The following NDUFS4 variants were observed in gnomAD, a reference collection of about 807,000 sequenced individuals.
NDUFS4 encodes the protein NADH:ubiquinone oxidoreductase subunit S4.
A neutral mutation model predicts 24.3 loss-of-function variants in NDUFS4; 28 were observed. The ratio of observed to expected loss-of-function variants is 1.15; its 90% CI spans 0.85 to 1.58. The LOEUF is 1.58. NDUFS4 is among the 40% of genes most tolerant of loss of function. The pLI is 0.00. For synonymous variants in NDUFS4, 93 were observed against 69.7 expected (o/e 1.34, Z -1.67); for missense variants, 223 against 207.9 (o/e 1.07, Z -0.45).
chr5:53,647,414 C>T (rs1176430911), intron 3 of NDUFS4, among the ~76,000 whole-genome samples: 3 of 152,122 alleles, frequency 2.0e-5, no homozygotes, highest in East Asian at 1.9e-4. Context: ...AATGGAGTCT[C>T]GCTTTGTTGC....
intron 1 of NDUFS4, among the ~76,000 whole-genome samples, chr5:53,588,295 T>C (rs1459629118): frequency 2.6e-5 from 4 of 152,214 alleles, no homozygotes; most frequent in Non-Finnish European, 5.9e-5. Flanking sequence ...CTCTTTCCTC[T>C]CTTGCCTTCC....
chr5:53,588,904 T>C (rs1020466067), intron 1 of NDUFS4, among the ~76,000 whole-genome samples: 20 of 152,114 alleles, frequency 1.3e-4, no homozygotes, highest in African/African-American at 4.8e-4. Context: ...AGAGAAGTTT[T>C]AGACCAAAAG....
chr5:53,672,260 G>C (rs1013597761), intron 4 of NDUFS4, among the ~76,000 whole-genome samples: 1 of 151,588 alleles, frequency 6.6e-6, no homozygotes, highest in Non-Finnish European at 1.5e-5. Flanking sequence ...CAAAACAAAG[G>C]CAAGAATCAT....
chr5:53,631,305 A>C (rs887450156), intron 2 of NDUFS4, among the ~76,000 whole-genome samples: 1 of 152,142 alleles, frequency 6.6e-6, no homozygotes, highest in African/African-American at 2.4e-5. Context: ...GTTCTCCTCT[A>C]TGAGGTGTCT....
At chr5:53,636,214 G>A (rs1751547268) in intron 2 of NDUFS4, among the ~76,000 whole-genome samples, 1 of 152,146 alleles carries the variant, frequency 6.6e-6, no homozygotes, top group Admixed American at 6.5e-5. Flanking sequence ...AGTTTTACAG[G>A]CAGTGGCAGT....
intron 2 of NDUFS4, among the ~76,000 whole-genome samples, chr5:53,625,361 T>A (rs573143080): frequency 6.6e-6 from 1 of 152,346 alleles, no homozygotes; most frequent in South Asian, 2.1e-4. Context: ...TTTACATGTA[T>A]CTTGGTTAGG....
rs367705715 is a variant in NDUFS4, at chr5:53,580,755, CTCTT to C, written c.98+20011_98+20014del. ...CCCTTTCCTTTCCTTTCCTTCCTTT[CTCTT>C]TCTTTCTTTCTTTCTCTCTCTCTTT... On this transcript the variant is annotated intron_variant, in intron 1 of 4. Coordinates refer to ENST00000296684, the MANE Select transcript of NDUFS4 (RefSeq NM_002495.4). Among the ~76,000 whole-genome samples the C allele has an allele frequency of 9.5e-3, 1,267 of 133,478 alleles. 16 individuals carry two copies. The highest frequency in any genetic ancestry group is 0.037 in the African/African-American group (1,131 of 30,390). 87.6% of individuals were successfully genotyped at this position (133,478 alleles called of 152,430 possible).
chr5:53,599,902 G>A (rs1359850334), intron 1 of NDUFS4, among the ~76,000 whole-genome samples: 2 of 151,784 alleles, frequency 1.3e-5, no homozygotes, highest in Admixed American at 6.6e-5. Flanking sequence ...TTCCTTACAG[G>A]CTAATCAACA....
At chr5:53,622,198 G>A (rs1579885558) in intron 2 of NDUFS4, among the ~76,000 whole-genome samples, 2 of 152,034 alleles carry the variant, frequency 1.3e-5, no homozygotes, top group Non-Finnish European at 2.9e-5. Flanking sequence ...GTGCTGTTCT[G>A]TTGGGCAGAA....
chr5:53,621,943 G>A (rs934939750), intron 2 of NDUFS4, among the ~76,000 whole-genome samples: 6 of 151,814 alleles, frequency 4.0e-5, no homozygotes, highest in Admixed American at 3.9e-4. Flanking sequence ...CTCATGATCT[G>A]CCCGTCTCGG....
At chr5:53,637,804 T>C (rs566805930) in intron 2 of NDUFS4, among the ~76,000 whole-genome samples, 4 of 152,132 alleles carry the variant, frequency 2.6e-5, no homozygotes, top group Non-Finnish European at 1.5e-5. Flanking sequence ...GAAATTCTTA[T>C]GCAGTCCAAT....
chr5:53,612,305 A>G (rs965958663), intron 2 of NDUFS4, among the ~76,000 whole-genome samples: 12 of 152,072 alleles, frequency 7.9e-5, no homozygotes, highest in African/African-American at 2.9e-4. Context: ...TTTAAAAACT[A>G]TTAAGCACCA....
intron 1 of NDUFS4, among the ~76,000 whole-genome samples, chr5:53,573,111 A>G (rs1358953197): frequency 6.6e-6 from 1 of 151,524 alleles, no homozygotes; most frequent in Admixed American, 6.6e-5. Context: ...AGCCAAGACT[A>G]CAGGTGCATA....
intron 2 of NDUFS4, among the ~76,000 whole-genome samples, chr5:53,622,335 T>G (rs976965055): frequency 6.6e-6 from 1 of 152,130 alleles, no homozygotes; most frequent in African/African-American, 2.4e-5. Context: ...GAAATTTAGT[T>G]TCTGACAGTT....
At chr5:53,565,669 C>CT (rs1748996707) in intron 1 of NDUFS4, among the ~76,000 whole-genome samples, 1 of 152,188 alleles carries the variant, frequency 6.6e-6, no homozygotes, top group African/African-American at 2.4e-5. Context: ...TTGCAGTGGT[C>CT]TGAGTGTAGG....
chr5:53,607,336 A>G (rs987014229), intron 2 of NDUFS4, among the ~76,000 whole-genome samples: 1 of 152,238 alleles, frequency 6.6e-6, no homozygotes, highest in African/African-American at 2.4e-5. Flanking sequence ...ATTAAGTTCT[A>G]TAAAAATTCT....
At chr5:53,593,078 G>A (rs1006265739) in intron 1 of NDUFS4, among the ~76,000 whole-genome samples, 12 of 152,072 alleles carry the variant, frequency 7.9e-5, no homozygotes, top group Admixed American at 5.2e-4. Flanking sequence ...GGTACTACAT[G>A]CTTCTATTTC....
At chr5:53,640,896 C>T (rs1318291224) in intron 2 of NDUFS4, among the ~76,000 whole-genome samples, 1 of 152,088 alleles carries the variant, frequency 6.6e-6, no homozygotes, top group African/African-American at 2.4e-5. Flanking sequence ...GTGACATTAA[C>T]CATATGACTG....
intron 1 of NDUFS4, among the ~76,000 whole-genome samples, chr5:53,583,600 C>T (rs933289457): frequency 1.3e-5 from 2 of 152,110 alleles, no homozygotes; most frequent in Non-Finnish European, 2.9e-5. Context: ...AAATATACCG[C>T]ATGATTTTAT....
Sources: allele counts gnomAD v4.1 joint callset (sites outside exome capture counted in the v4.1 genomes callset), GRCh38; gene constraint gnomAD v4.1.1; transcripts MANE v1.5; gene names NCBI Gene and HGNC (gene_info 2026-07-23, HGNC 2026-07-21).